Variants in CFAP299 observed in about 807,000 individuals in gnomAD.
CFAP299 encodes cilia and flagella associated protein 299, also known as cilia- and flagella-associated protein 299.
CFAP299 carries 21 observed loss-of-function variants against 27.0 expected under a neutral mutation model. The ratio of observed to expected loss-of-function variants is 0.78; its 90% CI spans 0.55 to 1.12. The LOEUF is 1.12. Among genes scored for constraint, CFAP299 ranks in the 50% most tolerant of loss-of-function variants. The pLI, the probability that CFAP299 is intolerant of heterozygous loss-of-function variation, is 0.00. For missense variants in CFAP299, 310 were observed against 276.6 expected, an observed-to-expected ratio of 1.12 and a Z score of -0.86; for synonymous variants, 104 against 98.1, an observed-to-expected ratio of 1.06 and a Z score of -0.36.
chr4:80,450,166 A>G (rs1311756170), intron 2 of CFAP299, among the ~76,000 whole-genome samples: 1 of 152,180 alleles, frequency 6.6e-6, no homozygotes, highest in East Asian at 1.9e-4. Flanking sequence ...CCAGGGGTAA[A>G]CAAAACAAAA....
chr4:80,757,331 A>G (rs1725292510), intron 3 of CFAP299, among the ~76,000 whole-genome samples: 1 of 152,188 alleles, frequency 6.6e-6, no homozygotes, highest in Non-Finnish European at 1.5e-5. Context: ...AGATTGTTTA[A>G]TATTCAAAGT....
rs1008022613 is a variant in CFAP299 at position 80,362,716 on chromosome 4, C to T, written c.112-38C>T. On this transcript the variant is annotated intron_variant, in intron 1 of 5. Transcript: ENST00000358105. ...GTAAGTAAGTAAAAATAGTATGTCT[C>T]ATTTGCCCACTCACCTAACAACTGA... is the stretch of plus-strand genomic sequence containing the variant. 1.9e-6 allele frequency: 3 copies of T among 1,562,414 alleles called. No homozygotes were observed. The African/African-American group carries it at 4.1e-5, about 22-fold the overall frequency.
intron 3 of CFAP299, among the ~76,000 whole-genome samples, chr4:80,705,649 C>T (rs1721775685): frequency 6.6e-6 from 1 of 151,858 alleles, no homozygotes; most frequent in Non-Finnish European, 1.5e-5. Context: ...CATCTTCTAT[C>T]TAACCCCAAT....
intron 2 of CFAP299, among the ~76,000 whole-genome samples, chr4:80,431,412 C>A (rs1727810751): frequency 2.0e-5 from 3 of 147,546 alleles, no homozygotes; most frequent in Non-Finnish European, 3.0e-5. Flanking sequence ...TTCTTCCTTC[C>A]TCCCTCCTTT....
intron 2 of CFAP299, among the ~76,000 whole-genome samples, chr4:80,412,246 A>G (rs1261969530): frequency 6.7e-6 from 1 of 148,306 alleles, no homozygotes; most frequent in Non-Finnish European, 1.5e-5. Flanking sequence ...TTCATTTCTG[A>G]TCAATAGTCT....
intron 3 of CFAP299, among the ~76,000 whole-genome samples, chr4:80,796,667 A>G (rs1462667577): frequency 3.9e-5 from 6 of 152,078 alleles, no homozygotes; most frequent in African/African-American, 1.2e-4. Flanking sequence ...CATTCCCAAG[A>G]TCCATCTGTC....
Position 80,799,335 on chromosome 4 carries a change from ATT to A in CFAP299, c.334-70656_334-70655del, listed in dbSNP as rs1168624649. ...ATATATATAAATATATTTATATAAT[ATT>A]TATATATATAAATGTATTTATATAA... On this transcript the variant is annotated intron_variant, in intron 3 of 5. Transcript: ENST00000358105. Among the ~76,000 whole-genome samples the A allele has an allele frequency of 5.4e-3, 520 of 96,746 alleles. 5 individuals carry two copies. The highest frequency in any genetic ancestry group is 7.6e-3 in the Non-Finnish European group (417 of 55,202). The allele number at this position is 96,746 out of a possible 152,430, so 63.5% of individuals were successfully genotyped here.
At chr4:80,452,251 C>T (rs1008633173) in intron 2 of CFAP299, among the ~76,000 whole-genome samples, 4 of 152,046 alleles carry the variant, frequency 2.6e-5, no homozygotes, top group Admixed American at 6.6e-5. Context: ...CTGACTCTCT[C>T]GGTGTCTTTC....
At chr4:80,678,331 G>A (rs987990619) in intron 3 of CFAP299, among the ~76,000 whole-genome samples, 1 of 151,912 alleles carries the variant, frequency 6.6e-6, no homozygotes, top group African/African-American at 2.4e-5. Context: ...TTGCCAAAAT[G>A]TGGCTTCTAC....
At chr4:80,600,207 T>C (rs1577916795) in intron 3 of CFAP299, among the ~76,000 whole-genome samples, 1 of 152,152 alleles carries the variant, frequency 6.6e-6, no homozygotes, top group Admixed American at 6.6e-5. Flanking sequence ...CTTTCCATGT[T>C]AGGCATGCAG....
At chr4:80,836,216 A>G (rs1410759771) in intron 3 of CFAP299, among the ~76,000 whole-genome samples, 1 of 152,216 alleles carries the variant, frequency 6.6e-6, no homozygotes, top group Non-Finnish European at 1.5e-5. Flanking sequence ...TTTGAATAAC[A>G]CTTTCTAATA....
chr4:80,322,101 A>G, the CFAP299 span, among the ~76,000 whole-genome samples: 1 of 152,156 alleles, frequency 6.6e-6, no homozygotes, highest in Non-Finnish European at 1.5e-5. Flanking sequence ...TGACTGACCA[A>G]TAGGGAGACT....
chr4:80,379,431 A>G (rs1189185546), intron 2 of CFAP299, among the ~76,000 whole-genome samples: 2 of 150,950 alleles, frequency 1.3e-5, no homozygotes, highest in Non-Finnish European at 3.0e-5. Context: ...ATTTCTTCCT[A>G]GTTGCATTGT....
intron 3 of CFAP299, among the ~76,000 whole-genome samples, chr4:80,703,055 G>A (rs1721605681): frequency 6.6e-6 from 1 of 151,720 alleles, no homozygotes; most frequent in Non-Finnish European, 1.5e-5. Context: ...GACTGGAGGG[G>A]AATCTTGACT....
At chr4:80,883,546 C>T (rs1031020889) in intron 4 of CFAP299, among the ~76,000 whole-genome samples, 9 of 151,940 alleles carry the variant, frequency 5.9e-5, no homozygotes, top group African/African-American at 9.7e-5. Context: ...CTCAGTTTAC[C>T]TTTAAGGACA....
chr4:80,591,105 A>ATTTTTTTTTTTT (rs70944795), intron 3 of CFAP299, among the ~76,000 whole-genome samples: 2 of 126,860 alleles, frequency 1.6e-5, no homozygotes, highest in African/African-American at 3.1e-5. Context: ...ACTTTAGGAA[A>ATTTTTTTTTTTT]TTTTTTTTTT....
upstream of CFAP299, among the ~76,000 whole-genome samples, chr4:80,332,676 A>C (rs1219016223): frequency 2.0e-5 from 3 of 152,144 alleles, no homozygotes; most frequent in African/African-American, 7.2e-5. Flanking sequence ...GAGAGGAGAA[A>C]GTGGAAAAAG....
intron 2 of CFAP299, among the ~76,000 whole-genome samples, chr4:80,406,681 C>G (rs1203071060): frequency 6.6e-6 from 1 of 152,122 alleles, no homozygotes; most frequent in African/African-American, 2.4e-5. Flanking sequence ...CTAGTACAAA[C>G]TTAATGTTAT....
At chr4:80,858,920 T>C (rs538817167) in intron 3 of CFAP299, among the ~76,000 whole-genome samples, 1,833 of 152,268 alleles carry the variant, frequency 0.012, 28 homozygotes, top group South Asian at 0.068. Context: ...TAGATGTCTA[T>C]TAGGTCCGCT....
Sources: allele counts gnomAD v4.1 joint callset (sites outside exome capture counted in the v4.1 genomes callset), GRCh38; gene constraint gnomAD v4.1.1; transcripts MANE v1.5; gene names NCBI Gene and HGNC (gene_info 2026-07-23, HGNC 2026-07-21).